TSGA10: variants seen among roughly 807,000 people sequenced by gnomAD.
TSGA10 encodes testis specific 10.
TSGA10 carries 43 observed loss-of-function variants against 96.6 expected under a neutral mutation model. The observed-to-expected ratio is 0.44, with a 90% CI of 0.35 to 0.57. TSGA10 has a LOEUF of 0.57. Among genes scored for constraint, TSGA10 ranks in the 20% least tolerant of loss-of-function variants. The probability of loss-of-function intolerance (pLI) is 0.01; values close to 1 mark genes in which losing one functional copy is unlikely to be tolerated. For synonymous variants in TSGA10, 229 were observed against 269.9 expected, an observed-to-expected ratio of 0.85 and a Z score of 1.48; for missense variants, 703 against 834.4, an observed-to-expected ratio of 0.84 and a Z score of 1.94.
At chr2:99,147,414 A>G (rs1051389602) in intron 1 of TSGA10, 1 of 1,558,724 alleles carries the variant, frequency 6.4e-7, no homozygotes, top group Non-Finnish European at 8.8e-7. Context: ...TTCTTCTTGA[A>G]TGGCAACCTA....
intron 10 of TSGA10, among the ~76,000 whole-genome samples, chr2:99,096,282 G>GC (rs1350616129): frequency 6.6e-6 from 1 of 152,190 alleles, no homozygotes; most frequent in Non-Finnish European, 1.5e-5. Flanking sequence ...TACAGAGCAA[G>GC]CATGTTTTTT....
intron 16 of TSGA10, among the ~76,000 whole-genome samples, chr2:99,064,330 T>C (rs2085024031): frequency 6.6e-6 from 1 of 152,112 alleles, no homozygotes; most frequent in African/African-American, 2.4e-5. Flanking sequence ...AGCAGTACAC[T>C]ATATATATAT....
intron 16 of TSGA10, among the ~76,000 whole-genome samples, chr2:99,060,441 C>G (rs2104433403): frequency 6.6e-6 from 1 of 152,086 alleles, no homozygotes; most frequent in African/African-American, 2.4e-5. Flanking sequence ...AATAAAAGAC[C>G]TGCCTAAATA....
chr2:99,020,451 T>G lies in TSGA10; in HGVS notation c.1646A>C (p.Glu549Ala). The G allele has an allele frequency of 6.2e-7, 1 of 1,613,586 alleles. No individual in the cohort carries two copies. The highest frequency in any genetic ancestry group is 8.5e-7 in the Non-Finnish European group (1 of 1,179,664). ...CATCTGACTCCTCAGGAGTTCAATT[T>G]CAGAATGAGCAGAATCTAACTCATT... ...RENELDSAHS[E>A]IELLRSQMAN... The change falls in exon 18 of 21, where the codon GAA (glutamate) becomes GCA (alanine). Residue 549 changes from glutamate (E) to alanine (A), a missense_variant. Physicochemically the swap from Glu to Ala is moderately radical, Grantham distance 107 (BLOSUM62 -1). Transcript: ENST00000393483.
chr2:99,074,649 G>T (rs2086464731), intron 12 of TSGA10, among the ~76,000 whole-genome samples: 1 of 152,080 alleles, frequency 6.6e-6, no homozygotes, highest in South Asian at 2.1e-4. Flanking sequence ...AAAGCTAGTT[G>T]AACTAGTGCT....
chr2:99,017,452 A>G (rs1019192701), intron 20 of TSGA10, among the ~76,000 whole-genome samples: 6 of 152,192 alleles, frequency 3.9e-5, no homozygotes, highest in Admixed American at 2.6e-4. Context: ...GAGTTAAGCT[A>G]TGAGGATGAA....
intron 1 of TSGA10, among the ~76,000 whole-genome samples, chr2:99,142,668 G>A (rs2093582227): frequency 1.3e-5 from 2 of 152,084 alleles, no homozygotes; most frequent in Non-Finnish European, 2.9e-5. Context: ...ACATATCCTC[G>A]GAAATGTAAT....
At position 98,997,745 on chromosome 2, in the gene TSGA10, T is replaced by C. The variant is rs1488336334; in HGVS notation, c.*452A>G. On this transcript the variant is annotated 3_prime_UTR_variant, in exon 21 of 21. Coordinates refer to ENST00000393483, the MANE Select transcript of TSGA10 (RefSeq NM_025244.4). ...GTTGGTTCCAAAATGGAATATCAGA[T>C]CCCAGACCAGTATCAGTAAGTTGTA... 1 of 152,924 alleles carries C rather than the reference T, an allele frequency of 6.5e-6. No individual in the cohort carries two copies. The highest frequency in any genetic ancestry group is 1.5e-5 in the Non-Finnish European group (1 of 68,610). 9.5% of individuals were successfully genotyped at this position (152,924 alleles called of 1,614,324 possible).
chr2:99,114,988 C>T (rs1424984460), intron 4 of TSGA10, among the ~76,000 whole-genome samples: 2 of 152,062 alleles, frequency 1.3e-5, no homozygotes, highest in African/African-American at 2.4e-5. Context: ...CAGGCTAGAG[C>T]GTGACGTGAT....
intron 10 of TSGA10, chr2:99,102,025 T>G (rs2090815942): frequency 7.3e-7 from 1 of 1,363,832 alleles, no homozygotes; most frequent in African/African-American, 1.4e-5. Flanking sequence ...TTAACAGAAT[T>G]AAAGAAGTAC....
intron 4 of TSGA10, among the ~76,000 whole-genome samples, chr2:99,111,689 C>T (rs1441349738): frequency 1.3e-5 from 2 of 152,050 alleles, no homozygotes; most frequent in African/African-American, 2.4e-5. Context: ...TTATTTGCAA[C>T]GTTTTTCTCA....
At chr2:99,131,416 C>A (rs990859628) in intron 1 of TSGA10, among the ~76,000 whole-genome samples, 3 of 152,016 alleles carry the variant, frequency 2.0e-5, no homozygotes, top group Non-Finnish European at 2.9e-5. Context: ...CATGATTTGG[C>A]TGTTTGTCTA....
intron 17 of TSGA10, among the ~76,000 whole-genome samples, chr2:99,020,940 A>G (rs1255298675): frequency 6.7e-6 from 1 of 149,026 alleles, no homozygotes; most frequent in Non-Finnish European, 1.5e-5. Context: ...TATAATTAAT[A>G]ATTATATTTA....
At chr2:99,146,509 ATTGT>A (rs1334505110) in intron 1 of TSGA10, among the ~76,000 whole-genome samples, 4 of 151,522 alleles carry the variant, frequency 2.6e-5, no homozygotes, top group African/African-American at 9.7e-5. Flanking sequence ...TTCCTCCCTT[ATTGT>A]TTAAGCTTTT....
chr2:99,002,338 C>G (rs1318573598), intron 20 of TSGA10, among the ~76,000 whole-genome samples: 1 of 152,202 alleles, frequency 6.6e-6, no homozygotes, highest in Non-Finnish European at 1.5e-5. Context: ...ATTCAACATT[C>G]TTAAAGAAAA....
chr2:99,101,892 G>T, intron 10 of TSGA10: 1 of 584,732 alleles, frequency 1.7e-6, no homozygotes, highest in South Asian at 2.1e-5. Context: ...ACTGGAGGGG[G>T]AAATAGGGAG....
chr2:99,074,029 T>TTTTTTTTTTTG (rs1241657890), intron 12 of TSGA10, among the ~76,000 whole-genome samples: 4 of 136,844 alleles, frequency 2.9e-5, no homozygotes, highest in African/African-American at 8.6e-5. Context: ...TTTTTTTTTT[T>TTTTTTTTTTTG]GAGATGGAGT....
chr2:99,088,062 A>T (rs1236462203), intron 10 of TSGA10, among the ~76,000 whole-genome samples: 4 of 152,216 alleles, frequency 2.6e-5, no homozygotes, highest in Non-Finnish European at 5.9e-5. Context: ...CCTTTCTCAC[A>T]TGGGGTTCTG....
chr2:99,055,649 G>C (rs1014929085), intron 16 of TSGA10, among the ~76,000 whole-genome samples: 1 of 151,936 alleles, frequency 6.6e-6, no homozygotes, highest in African/African-American at 2.4e-5. Context: ...AAGCCAGGCA[G>C]AGTTCCTACT....
Sources: gnomAD v4.1 joint callset for allele counts (sites outside exome capture counted in the v4.1 genomes callset) on GRCh38, gnomAD v4.1.1 for gene constraint, MANE v1.5 for transcripts, NCBI Gene and HGNC (gene_info 2026-07-23, HGNC 2026-07-21) for gene names.